The following NPHS1 variants were observed in gnomAD, a reference collection of about 807,000 sequenced individuals.
NPHS1 encodes the protein NPHS1 adhesion molecule, nephrin.
A neutral mutation model predicts 139.7 loss-of-function variants in NPHS1; 107 were observed. The observed-to-expected ratio is 0.77, with a 90% CI of 0.66 to 0.90. The LOEUF is 0.90. Among genes scored for constraint, NPHS1 ranks in the 40% least tolerant of loss-of-function variants. The pLI is 0.00. For missense variants in NPHS1, 1,580 were observed against 1,654.2 expected, an observed-to-expected ratio of 0.96 and a Z score of 0.78; for synonymous variants, 707 against 706.6, an observed-to-expected ratio of 1.00 and a Z score of -0.01.
Position 35,844,134 on chromosome 19 carries a change from G to C in NPHS1, c.2181C>G (p.Thr727=), listed in dbSNP as rs1295532116. The change falls in exon 16 of 29, where the codon ACC becomes ACG. Residue 727 remains threonine, a synonymous_variant. Coordinates refer to ENST00000378910, the MANE Select transcript of NPHS1 (RefSeq NM_004646.4). ...YQLHCQNSEG[T]AEARLRLDVH... ...CGTCCAGCCGCAGCCGCGCTTCCGC[G>C]GTGCCCTCAGAGTTCTGGCAGTGCA... The C allele has an allele frequency of 6.2e-7, 1 of 1,609,090 alleles. No homozygotes were observed. The highest frequency in any genetic ancestry group is 1.1e-5 in the South Asian group (1 of 91,014).
chr19:35,833,051 AT>A (rs58221236), intron 23 of NPHS1, among the ~76,000 whole-genome samples: 84,844 of 142,136 alleles, frequency 0.6, 25,197 homozygotes, highest in East Asian at 0.87. Context: ...CACCCGGCTA[AT>A]TTTTTTTTTT....
At position 35,845,602 on chromosome 19, in the gene NPHS1, G is replaced by A; in HGVS notation, c.1758-62C>T. ...GCCAGAGGCTGGAGAGGCACTAGGC[G>A]GGGGCGGGACATGCGTGGAGGGGGC... On this transcript the variant is annotated intron_variant, in intron 13 of 28. Coordinates refer to ENST00000378910, the MANE Select transcript of NPHS1 (RefSeq NM_004646.4). The surrounding 1 kb of genome is among the most constrained non-coding windows in gnomAD (Gnocchi z 5.5). 6.2e-7 allele frequency: 1 copy of A among 1,605,686 alleles called. No individual in the cohort carries two copies. The highest frequency in any genetic ancestry group is 1.1e-5 in the South Asian group (1 of 90,290).
intron 28 of NPHS1, among the ~76,000 whole-genome samples, chr19:35,827,254 T>C (rs1414915958): frequency 6.6e-6 from 1 of 152,062 alleles, no homozygotes; most frequent in Non-Finnish European, 1.5e-5. Context: ...GTGCTGGGAT[T>C]ATAAGTCACT....
rs528978683 is a variant in NPHS1, at chr19:35,845,954, C to T, written c.1627+54G>A. The T allele has an allele frequency of 2.9e-5, 44 of 1,539,144 alleles. No individual in the cohort carries two copies. In the South Asian group the frequency reaches 5.3e-4, roughly 18 times the overall value. ...CAGGGTTCGCTGGGTCCCTGCCCCA[C>T]CTGGCTCTGTCCCTCCCGCCCCGCC... On this transcript the variant is annotated intron_variant, in intron 12 of 28. Transcript: ENST00000378910. This position sits in a 1 kb window ranked among gnomAD's most constrained non-coding sequence, Gnocchi z 5.5.
intron 11 of NPHS1, 131 bp from the exon 12 acceptor site, chr19:35,846,325 C>T: frequency 1.1e-6 from 1 of 903,494 alleles, no homozygotes; most frequent in South Asian, 1.6e-5. Context: ...GAGAAGCACT[C>T]TCATCAGCAC....
chr19:35,843,277 C>T (rs1973086750), intron 17 of NPHS1, among the ~76,000 whole-genome samples, 195 bp downstream of exon 17: 1 of 152,216 alleles, frequency 6.6e-6, no homozygotes, highest in African/African-American at 2.4e-5. Flanking sequence ...TACCTACCCA[C>T]TCGCCTGGCT....
intron 23 of NPHS1, among the ~76,000 whole-genome samples, chr19:35,832,758 G>A (rs896890067): frequency 6.6e-6 from 1 of 150,416 alleles, no homozygotes; most frequent in Admixed American, 6.6e-5. Flanking sequence ...GTGGTGGCAG[G>A]CACCTGTAGT....
rs1973073411 is a variant in NPHS1, at chr19:35,842,389, AAGACGGAGC to A, written c.2487_2495del (p.Leu830_Leu832del). On this transcript the variant is annotated inframe_deletion, in exon 18 of 29. Transcript: ENST00000378910. ...TTGGGTAATACCCACATCTGACAAC[AAGACGGAGC>A]AGCCGTCGTGCTGGAGGCGCCACCC... 6.2e-7 allele frequency: 1 copy of A among 1,613,904 alleles called. No individual in the cohort carries two copies. The highest frequency in any genetic ancestry group is 1.1e-5 in the South Asian group (1 of 91,088).
chr19:35,843,542 C>A lies in NPHS1; in HGVS notation c.2264G>T (p.Gly755Val), dbSNP rs750854389. The stretch of plus-strand genomic sequence containing the variant: ...GACAGTGCAGACTATGTCCACAGAA[C>A]CCCCGACGTTCACCTCAGTGGGGTC... ...LQDPTEVNVG[G>V]SVDIVCTVDA... Residue 755 changes from glycine to valine, a missense_variant, in exon 17 of 29, where the codon GGT becomes GTT. Physicochemically the swap from Gly to Val is moderately radical, Grantham distance 109 (BLOSUM62 -3). Coordinates refer to ENST00000378910, the MANE Select transcript of NPHS1 (RefSeq NM_004646.4). 3 of 1,614,082 alleles carry A rather than the reference C, an allele frequency of 1.9e-6. No individual in the cohort carries two copies. The highest frequency in any genetic ancestry group is 1.1e-5 in the South Asian group (1 of 91,086).
At chr19:35,836,668 A>C (rs1232169837) in intron 22 of NPHS1, among the ~76,000 whole-genome samples, 2 of 151,982 alleles carry the variant, frequency 1.3e-5, no homozygotes, top group South Asian at 2.1e-4. Flanking sequence ...CATTGAGAAA[A>C]AGCCTGCTCT....
In NPHS1 at chr19:35,831,709, G is replaced by A. The variant is rs1972887748; in HGVS notation, c.3220C>T (p.Leu1074Phe). 6.3e-7 allele frequency: 1 copy of A among 1,598,836 alleles called. No homozygotes were observed. The highest frequency in any genetic ancestry group is 1.3e-5 in the African/African-American group (1 of 74,472). ...PVLFALGGLL[L>F]LSNASCVGGV... ...CCGACACAGGAGGCATTGGAGAGGA[G>A]CAGAAGCCCCCCAAGAGCGAACAGC... Residue 1074 changes from leucine (L) to phenylalanine (F), a missense_variant, in exon 24 of 29, where the codon CTC becomes TTC. By Grantham distance (22) the Leu-to-Phe change is conservative (BLOSUM62 0). Transcript: ENST00000378910.
At position 35,850,405 on chromosome 19, in the gene NPHS1, C is replaced by A; in HGVS notation, c.567G>T (p.Glu189Asp). 1 of 1,614,144 alleles carries A rather than the reference C, an allele frequency of 6.2e-7. No individual in the cohort carries two copies. Among genetic ancestry groups the A allele is most frequent in the African/African-American group, 1.3e-5 (1 of 75,012 alleles). The change falls in exon 5 of 29, where the codon GAG (glutamate) becomes GAT (aspartate). Residue 189 changes from glutamate (E) to aspartate (D), a missense_variant. Glu to Asp is a conservative substitution (Grantham distance 45). Transcript: ENST00000378910. ...CAGTGAAGAGTTTCTGCTGGGAGCC[C>A]TCGTTCACGTTTGCAGAGATGTCAG... The part of the protein sequence containing the change: ...TISDISANVN[E>D]GSQQKLFTVE...
Position 35,839,614 on chromosome 19 carries a change from G to A in NPHS1, c.2816-7C>T. On this transcript the variant is annotated splice_region_variant and splice_polypyrimidine_tract_variant and intron_variant, in intron 20 of 28. Coordinates refer to ENST00000378910, the MANE Select transcript of NPHS1 (RefSeq NM_004646.4). ...GATGGAGGGTCAGGGCGGCCTATGG[G>A]GAGAAAGATGGGAAAGCAGTCAGAG... is the stretch of plus-strand genomic sequence containing the variant. 6.2e-7 allele frequency: 1 copy of A among 1,605,686 alleles called. No individual in the cohort carries two copies. The highest frequency in any genetic ancestry group is 1.1e-5 in the South Asian group (1 of 90,890).
rs754029291 is a variant in NPHS1, at chr19:35,842,563, G to A, written c.2335-13C>T. On this transcript the variant is annotated splice_polypyrimidine_tract_variant and intron_variant, in intron 17 of 28. Transcript: ENST00000378910. Reference sequence around the variant, plus strand: ...CCTCATCTTCTCCCTGGAGGCCCAAGAGTCCAGAATTGGCCTCCCAGTCTA... The same window carrying A: ...CCTCATCTTCTCCCTGGAGGCCCAAAAGTCCAGAATTGGCCTCCCAGTCTA... 64 of 1,613,852 alleles carry A rather than the reference G, an allele frequency of 4.0e-5. No individual in the cohort carries two copies. The highest frequency in any genetic ancestry group is 5.0e-5 in the Non-Finnish European group (59 of 1,179,946).
Position 35,845,493 on chromosome 19 carries a change from G to T in NPHS1, c.1805C>A (p.Ser602Tyr). 1 of 1,613,678 alleles carries T rather than the reference G, an allele frequency of 6.2e-7. No homozygotes were observed. Among genetic ancestry groups the T allele is most frequent in the Admixed American group, 1.7e-5 (1 of 59,996 alleles). ...APPRRAPFKG[S>Y]AAARSVLLQV... ...CAGAAGGACGCTCCTGGCGGCGGCG[G>T]AGCCTTTGAATGGGGCTCTCCGGGG... is the stretch of plus-strand genomic sequence containing the variant. The change falls in exon 14 of 29, where the codon TCC becomes TAC. Residue 602 changes from serine (S) to tyrosine (Y), a missense_variant. Transcript: ENST00000378910. The surrounding 1 kb of genome is among the most constrained non-coding windows in gnomAD (Gnocchi z 5.5).
chr19:35,834,202 A>G (rs76757022), intron 23 of NPHS1, among the ~76,000 whole-genome samples: 1,891 of 152,242 alleles, frequency 0.012, 62 homozygotes, highest in African/African-American at 0.043. Flanking sequence ...CTATGACGGA[A>G]TCAGCTAGTA....
In NPHS1 at chr19:35,851,661, A is replaced by T; in HGVS notation, c.70T>A (p.Leu24Met). ...CGGGGAACGGAGGCAGGAATCGCCA[A>T]CTGCGCCAGGCCTGAGGACACAGCG... ...LGLLTEGLAQLAIPASVPRGF... is the reference protein window; with the variant it reads ...LGLLTEGLAQMAIPASVPRGF... Residue 24 changes from leucine (L) to methionine (M), a missense_variant, in exon 2 of 29, where the codon TTG becomes ATG. By Grantham distance (15) the Leu-to-Met change is conservative. Coordinates refer to ENST00000378910, the MANE Select transcript of NPHS1 (RefSeq NM_004646.4). 1 of 1,613,116 alleles carries T rather than the reference A, an allele frequency of 6.2e-7. No homozygotes were observed. The highest frequency in any genetic ancestry group is 8.5e-7 in the Non-Finnish European group (1 of 1,179,604).
At chr19:35,828,887 G>A (rs538491157) in intron 28 of NPHS1, among the ~76,000 whole-genome samples, 3 of 152,336 alleles carry the variant, frequency 2.0e-5, no homozygotes, top group African/African-American at 7.2e-5. Context: ...GCGCCATGCT[G>A]GTGAGGAGCT....
intron 16 of NPHS1, 171 bp downstream of exon 16, chr19:35,843,932 G>A: frequency 2.2e-6 from 2 of 906,274 alleles, no homozygotes; most frequent in South Asian, 1.7e-5. Flanking sequence ...GGTCTCTCTA[G>A]TGGGAGGGGT....
Sources: gnomAD v4.1 joint callset for allele counts (sites outside exome capture counted in the v4.1 genomes callset) on GRCh38, gnomAD v4.1.1 for gene constraint, Gnocchi (gnomAD v3.1) non-coding constraint, MANE v1.5 for transcripts, NCBI Gene and HGNC (gene_info 2026-07-23, HGNC 2026-07-21) for gene names.